The following TSPAN13 variants were observed in gnomAD, a reference collection of about 807,000 sequenced individuals.
TSPAN13 encodes the protein tetraspanin-13.
A neutral mutation model predicts 26.9 loss-of-function variants in TSPAN13; 18 were observed. That is an observed-to-expected ratio of 0.67 (90% CI 0.46 to 0.99). TSPAN13 has a LOEUF of 0.99. TSPAN13 is among the 50% of genes least tolerant of loss of function. The pLI, the probability that TSPAN13 is intolerant of heterozygous loss-of-function variation, is 0.00. For synonymous variants in TSPAN13, 116 were observed against 98.4 expected (o/e 1.18, Z -1.06); for missense variants, 201 against 249.6 (o/e 0.81, Z 1.31).
At chr7:16,778,459 C>T (rs1490039158) in intron 4 of TSPAN13, among the ~76,000 whole-genome samples, 3 of 152,200 alleles carry the variant, frequency 2.0e-5, no homozygotes, top group African/African-American at 7.2e-5. Flanking sequence ...GTCCTTTGCT[C>T]ACCTGGCTGA....
At chr7:16,754,166 C>T (rs1784454933) in intron 1 of TSPAN13, 136 bp downstream of exon 1, 3 of 896,196 alleles carry the variant, frequency 3.3e-6, no homozygotes, top group Non-Finnish European at 1.7e-6. Flanking sequence ...CTGCGCGCCC[C>T]CGGCCTCACC....
intron 1 of TSPAN13, 113 bp from the exon 2 acceptor site, chr7:16,776,098 A>G (rs1784739824): frequency 3.1e-6 from 3 of 956,764 alleles, no homozygotes; most frequent in Non-Finnish European, 4.6e-6. Context: ...GCTTATTTGT[A>G]AGAGACTACG....
intron 1 of TSPAN13, 90 bp downstream of exon 1, chr7:16,754,120 C>G (rs1562514908): frequency 7.6e-7 from 1 of 1,321,320 alleles, no homozygotes; most frequent in Non-Finnish European, 1.1e-6. Flanking sequence ...GCGACTCACT[C>G]GTTGCATCCC....
At chr7:16,758,915 C>T (rs1784512277) in intron 1 of TSPAN13, among the ~76,000 whole-genome samples, 1 of 152,110 alleles carries the variant, frequency 6.6e-6, no homozygotes, top group African/African-American at 2.4e-5. Flanking sequence ...AAGTTATTTT[C>T]TGTTTTTTAT....
chr7:16,768,152 G>T (rs1262095093), intron 1 of TSPAN13, among the ~76,000 whole-genome samples: 1 of 152,216 alleles, frequency 6.6e-6, no homozygotes, highest in Non-Finnish European at 1.5e-5. Context: ...GACCTAAGGT[G>T]ATCCGCCTGC....
intron 1 of TSPAN13, among the ~76,000 whole-genome samples, chr7:16,759,084 G>A (rs1355058880): frequency 8.5e-5 from 13 of 152,130 alleles, no homozygotes; most frequent in Admixed American, 5.2e-4. Flanking sequence ...GAAAAATAAA[G>A]CGGAGTAAAA....
Position 16,784,233 on chromosome 7 carries a change from T to G in TSPAN13, c.*742T>G, listed in dbSNP as rs1784846667. The G allele has an allele frequency of 6.6e-6, 1 of 152,506 alleles. No homozygotes were observed. The highest frequency in any genetic ancestry group is 1.5e-5 in the Non-Finnish European group (1 of 68,034). 9.4% of individuals were successfully genotyped at this position (152,506 alleles called of 1,614,324 possible). On this transcript the variant is annotated 3_prime_UTR_variant, in exon 6 of 6. Coordinates refer to ENST00000262067, the MANE Select transcript of TSPAN13 (RefSeq NM_014399.4). ...ATATCTATATGATCTTGATATTGTT[T>G]TATAATAATTTGAAGTCTAAAAGAC...
chr7:16,753,931 A>G lies in TSPAN13; in HGVS notation c.-37A>G. The stretch of plus-strand genomic sequence containing the variant: ...TGTCAGGGAACCTCCGCCGGAGTCG[A>G]ATTTACGTGCAGCTGCCGGCAACCA... On this transcript the variant is annotated 5_prime_UTR_variant, in exon 1 of 6. Coordinates refer to ENST00000262067, the MANE Select transcript of TSPAN13 (RefSeq NM_014399.4). 1 of 1,604,880 alleles carries G rather than the reference A, an allele frequency of 6.2e-7. No homozygotes were observed. Among genetic ancestry groups the G allele is most frequent in the Non-Finnish European group, 8.5e-7 (1 of 1,175,410 alleles).
At chr7:16,754,906 C>A (rs909158376) in intron 1 of TSPAN13, among the ~76,000 whole-genome samples, 1 of 152,174 alleles carries the variant, frequency 6.6e-6, no homozygotes, top group Admixed American at 6.5e-5. Flanking sequence ...ATCATTCTGA[C>A]AACCTTCTGA....
intron 5 of TSPAN13, among the ~76,000 whole-genome samples, chr7:16,780,301 T>C (rs1012047168): frequency 1.3e-5 from 2 of 152,180 alleles, no homozygotes; most frequent in African/African-American, 4.8e-5. Flanking sequence ...GGTTTCACCA[T>C]GTTGGCCAGG....
At chr7:16,755,547 T>TTG (rs1254146767) in intron 1 of TSPAN13, among the ~76,000 whole-genome samples, 1 of 151,642 alleles carries the variant, frequency 6.6e-6, no homozygotes, top group Non-Finnish European at 1.5e-5. Context: ...TAGGGTTTTT[T>TTG]TTTTTTTTTT....
chr7:16,777,926 T>A lies in TSPAN13; in HGVS notation c.426+15T>A. 6.4e-7 allele frequency: 1 copy of A among 1,574,632 alleles called. No individual in the cohort carries two copies. Among genetic ancestry groups the A allele is most frequent in the East Asian group, 2.2e-5 (1 of 44,496 alleles). ...CCTGTCTGGCTGTAAGTACATTGTA[T>A]AATATATGTTTTTGGAAATGTATTA... is the stretch of plus-strand genomic sequence containing the variant. On this transcript the variant is annotated intron_variant, in intron 4 of 5. Transcript: ENST00000262067.
chr7:16,761,918 T>A (rs1784545854), intron 1 of TSPAN13, among the ~76,000 whole-genome samples: 1 of 152,134 alleles, frequency 6.6e-6, no homozygotes, highest in Admixed American at 6.6e-5. Flanking sequence ...TGTTTTAAAT[T>A]TGCTTGCCTT....
chr7:16,781,185 A>G (rs577094330), intron 5 of TSPAN13, among the ~76,000 whole-genome samples: 1 of 152,358 alleles, frequency 6.6e-6, no homozygotes, highest in South Asian at 2.1e-4. Context: ...GAAACTACAA[A>G]AAATTATGAA....
chr7:16,772,332 T>G (rs2115331713), intron 1 of TSPAN13, among the ~76,000 whole-genome samples: 1 of 152,280 alleles, frequency 6.6e-6, no homozygotes, highest in East Asian at 1.9e-4. Flanking sequence ...TGTATTTCTT[T>G]TCTAGGACTG....
intron 5 of TSPAN13, among the ~76,000 whole-genome samples, chr7:16,780,691 T>G (rs1385427845): frequency 2.0e-5 from 3 of 152,224 alleles, no homozygotes; most frequent in African/African-American, 7.2e-5. Context: ...ACGTGGCTTC[T>G]TTTTTATATC....
rs1437149776 is a variant in TSPAN13 at position 16,769,868 on chromosome 7, T to C, written c.64-6343T>C. ...AGAAAATGTTTATGATTTATTTTTA[T>C]CTTACCATTAGCTAGAATAATCTTT... On this transcript the variant is annotated intron_variant, in intron 1 of 5. Transcript: ENST00000262067. Among the ~76,000 whole-genome samples the C allele has an allele frequency of 2.6e-5, 4 of 152,220 alleles. No individual in the cohort carries two copies. The East Asian group carries it at 7.7e-4, about 29-fold the overall frequency.
At chr7:16,769,112 C>G (rs928725445) in intron 1 of TSPAN13, among the ~76,000 whole-genome samples, 2 of 152,134 alleles carry the variant, frequency 1.3e-5, no homozygotes, top group South Asian at 4.2e-4. Context: ...ACGCATGAGC[C>G]ACTGTGCCTG....
At chr7:16,762,849 G>T (rs765483754) in intron 1 of TSPAN13, among the ~76,000 whole-genome samples, 2 of 152,000 alleles carry the variant, frequency 1.3e-5, no homozygotes, top group Non-Finnish European at 2.9e-5. Context: ...GTCTTTCCTT[G>T]TAAAGCCTTG....
Sources: allele counts gnomAD v4.1 joint callset (sites outside exome capture counted in the v4.1 genomes callset), GRCh38; gene constraint gnomAD v4.1.1; transcripts MANE v1.5; gene names NCBI Gene and HGNC (gene_info 2026-07-23, HGNC 2026-07-21).